The following CYLC1 variants were observed in gnomAD, a reference collection of about 807,000 sequenced individuals.
CYLC1 encodes cylicin-1.
In CYLC1, 2 loss-of-function variants were observed where a neutral mutation model predicts 31.6. That is an observed-to-expected ratio of 0.06 (90% CI 0.03 to 0.20). The LOEUF (loss-of-function observed/expected upper bound fraction) is 0.20, where lower values mean the gene tolerates loss of function less well. CYLC1 is among the 10% of genes least tolerant of loss of function. CYLC1 has a pLI of 1.00. For synonymous variants in CYLC1, 185 were observed against 153.0 expected (o/e 1.21, Z -1.54); for missense variants, 595 against 424.1 (o/e 1.40, Z -3.54).
At position 83,873,966 on chromosome X, in the gene CYLC1, A is replaced by C; in HGVS notation, c.1258A>C (p.Lys420Gln). 8.5e-7 allele frequency: 1 copy of C among 1,176,824 alleles called. No homozygotes were observed. The highest frequency in any genetic ancestry group is 1.1e-6 in the Non-Finnish European group (1 of 876,476). The change falls in exon 4 of 5, where the codon AAA becomes CAA. Residue 420 changes from lysine (K) to glutamine (Q), a missense_variant. Physicochemically the swap from Lys to Gln is moderately conservative, Grantham distance 53. Coordinates refer to ENST00000329312, the MANE Select transcript of CYLC1 (RefSeq NM_021118.3). ...TGAACTGGAGTCAAAGGAGAGTCAGAAAGATGAAAAAAAGGATAAAAAAGA... is the reference window on the plus strand; with the variant it reads ...TGAACTGGAGTCAAAGGAGAGTCAGCAAGATGAAAAAAAGGATAAAAAAGA... ...ESELESKESQ[K>Q]DEKKDKKDSK...
At chrX:83,880,115 A>T (rs188468743) in intron 4 of CYLC1, among the ~76,000 whole-genome samples, 5 of 111,933 alleles carry the variant, frequency 4.5e-5, no homozygotes, top group African/African-American at 1.6e-4. Flanking sequence ...TGCATATTAT[A>T]GGTATTACTC....
Position 83,886,592 on chromosome X carries a change from C to A in CYLC1, c.*8C>A, listed in dbSNP as rs199967799. 8 of 1,200,748 alleles carry A rather than the reference C, an allele frequency of 6.7e-6. No individual in the cohort carries two copies. The East Asian group carries it at 2.4e-4, about 36-fold the overall frequency. Reference sequence around the variant, plus strand: ...ATTCATAAGCTGCTTTAAAGAACAACTGAGCACTTGGTTTCACAGAATGGC... The same window carrying A: ...ATTCATAAGCTGCTTTAAAGAACAAATGAGCACTTGGTTTCACAGAATGGC... On this transcript the variant is annotated 3_prime_UTR_variant, in exon 5 of 5. Coordinates refer to ENST00000329312, the MANE Select transcript of CYLC1 (RefSeq NM_021118.3).
chrX:83,886,388 A>G (rs2031983108), intron 4 of CYLC1, among the ~76,000 whole-genome samples, 164 bp from the exon 5 acceptor site: 1 of 111,611 alleles, frequency 9.0e-6, no homozygotes, highest in Non-Finnish European at 1.9e-5. Flanking sequence ...GGTGGAGACC[A>G]GGGATCTGCG....
At chrX:83,885,093 G>C (rs1038350363) in intron 4 of CYLC1, among the ~76,000 whole-genome samples, 2 of 111,093 alleles carry the variant, frequency 1.8e-5, no homozygotes, top group Non-Finnish European at 3.8e-5. Flanking sequence ...CTAAATGAAT[G>C]AATTTTAAAT....
At chrX:83,882,965 T>C (rs1259325037) in intron 4 of CYLC1, among the ~76,000 whole-genome samples, 1 of 111,165 alleles carries the variant, frequency 9.0e-6, no homozygotes, top group African/African-American at 3.3e-5. Context: ...ATATAGTACC[T>C]AACCTACCCA....
At chrX:83,864,649 C>G (rs771424329) in intron 1 of CYLC1, 22 of 302,215 alleles carry the variant, frequency 7.3e-5, no homozygotes, top group Non-Finnish European at 1.3e-4. Flanking sequence ...TTCTCCTATA[C>G]TAGATTCCCA....
At position 83,873,807 on chromosome X, in the gene CYLC1, C is replaced by T; in HGVS notation, c.1099C>T (p.Pro367Ser). Residue 367 changes from proline (P) to serine (S), a missense_variant, in exon 4 of 5, where the codon CCA becomes TCA. Physicochemically the swap from Pro to Ser is moderately conservative, Grantham distance 74. Coordinates refer to ENST00000329312, the MANE Select transcript of CYLC1 (RefSeq NM_021118.3). ...CAAGAAAAAGGACACAAAGAAGTACCCAGAGTCTACTGATACTGAATCAGG... is the reference window on the plus strand; with the variant it reads ...CAAGAAAAAGGACACAAAGAAGTACTCAGAGTCTACTGATACTGAATCAGG... The part of the protein sequence containing the change: ...DDKKKDTKKY[P>S]ESTDTESGDA... 1 of 1,185,807 alleles carries T rather than the reference C, an allele frequency of 8.4e-7. No individual in the cohort carries two copies. Among genetic ancestry groups the T allele is most frequent in the Non-Finnish European group, 1.1e-6 (1 of 879,307 alleles).
intron 1 of CYLC1, among the ~76,000 whole-genome samples, chrX:83,869,393 A>G (rs1427950092): frequency 1.8e-5 from 2 of 109,489 alleles, no homozygotes; most frequent in African/African-American, 3.3e-5. Flanking sequence ...ATAGACCCCA[A>G]TGTGTGTTGT....
chrX:83,884,142 G>A (rs1176995824), intron 4 of CYLC1, among the ~76,000 whole-genome samples: 2 of 111,651 alleles, frequency 1.8e-5, no homozygotes, highest in Non-Finnish European at 3.8e-5. Flanking sequence ...GAAAGAGTTG[G>A]CAAGTGGCAT....
rs751173460 is a variant in CYLC1 at position 83,884,222 on chromosome X, T to G, written c.1924-2330T>G. On this transcript the variant is annotated intron_variant, in intron 4 of 4. Coordinates refer to ENST00000329312, the MANE Select transcript of CYLC1 (RefSeq NM_021118.3). ...TATTGTGATGCCTCTTCACAACAAG[T>G]TTTTTTTAGAAGAATGTTATTCATG... is the stretch of plus-strand genomic sequence containing the variant. Among the ~76,000 whole-genome samples, 19 of 111,283 alleles carry G rather than the reference T, an allele frequency of 1.7e-4. No individual in the cohort carries two copies. In the South Asian group the frequency reaches 7.1e-3, roughly 41 times the overall value.
At position 83,874,231 on chromosome X, in the gene CYLC1, A is replaced by G; in HGVS notation, c.1523A>G (p.Asp508Gly). 2.5e-6 allele frequency: 3 copies of G among 1,207,562 alleles called. No homozygotes were observed. Among genetic ancestry groups the G allele is most frequent in the East Asian group, 3.0e-5 (1 of 33,690 alleles). ...HSKEKKGSKK[D>G]IKKDARKDTE... The stretch of plus-strand genomic sequence containing the variant: ...AAGGAAAAGAAAGGTTCAAAGAAAG[A>G]TATCAAGAAGGATGCAAGAAAGGAC... Residue 508 changes from aspartate (D) to glycine (G), a missense_variant, in exon 4 of 5, where the codon GAT (aspartate) becomes GGT (glycine). Asp to Gly is a moderately conservative substitution (Grantham distance 94). Coordinates refer to ENST00000329312, the MANE Select transcript of CYLC1 (RefSeq NM_021118.3).
chrX:83,865,817 T>C (rs2031585026), intron 1 of CYLC1, among the ~76,000 whole-genome samples: 1 of 111,775 alleles, frequency 8.9e-6, no homozygotes. Flanking sequence ...ACCTGGATAA[T>C]CTAAGATTTT....
At chrX:83,877,615 C>A (rs1395062134) in intron 4 of CYLC1, among the ~76,000 whole-genome samples, 1 of 107,701 alleles carries the variant, frequency 9.3e-6, no homozygotes, top group East Asian at 2.9e-4. Flanking sequence ...ATTCCTCCCA[C>A]AGATCTTTGC....
chrX:83,879,338 G>C (rs975818098), intron 4 of CYLC1, among the ~76,000 whole-genome samples: 1 of 108,889 alleles, frequency 9.2e-6, no homozygotes, highest in Non-Finnish European at 1.9e-5. Context: ...CCATTTCCTT[G>C]TACAAGCAAA....
At chrX:83,877,696 C>G (rs929250720) in intron 4 of CYLC1, among the ~76,000 whole-genome samples, 1 of 104,734 alleles carries the variant, frequency 9.5e-6, no homozygotes, top group Non-Finnish European at 1.9e-5. Context: ...CCCTGACTAC[C>G]TTACTTTATG....
At chrX:83,882,097 C>A (rs1218549819) in intron 4 of CYLC1, among the ~76,000 whole-genome samples, 1 of 111,332 alleles carries the variant, frequency 9.0e-6, no homozygotes, top group Non-Finnish European at 1.9e-5. Context: ...TAACTGAATG[C>A]CCCAGACAGA....
rs755237775 is a variant in CYLC1 at position 83,873,970 on chromosome X, A to T, written c.1262A>T (p.Asp421Val). 2 of 1,177,696 alleles carry T rather than the reference A, an allele frequency of 1.7e-6. No individual in the cohort carries two copies. Among genetic ancestry groups the T allele is most frequent in the African/African-American group, 3.6e-5 (2 of 55,224 alleles). ...CTGGAGTCAAAGGAGAGTCAGAAAG[A>T]TGAAAAAAAGGATAAAAAAGATTCA... is the stretch of plus-strand genomic sequence containing the variant. ...SELESKESQK[D>V]EKKDKKDSKT... Residue 421 changes from aspartate (D) to valine (V), a missense_variant, in exon 4 of 5, where the codon GAT (aspartate) becomes GTT (valine). Transcript: ENST00000329312.
intron 3 of CYLC1, 33 bp downstream of exon 3, chrX:83,871,603 A>T (rs775346829): frequency 1.7e-6 from 2 of 1,143,687 alleles, no homozygotes; most frequent in Non-Finnish European, 2.4e-6. Flanking sequence ...TTAAAAACGA[A>T]ATCTAAGTTG....
intron 3 of CYLC1, among the ~76,000 whole-genome samples, chrX:83,872,176 C>T (rs2031675461): frequency 9.0e-6 from 1 of 110,724 alleles, no homozygotes; most frequent in Non-Finnish European, 1.9e-5. Context: ...CTTGTTGGCA[C>T]CTCTACTGAA....
Sources: allele counts gnomAD v4.1 joint callset (sites outside exome capture counted in the v4.1 genomes callset), GRCh38; gene constraint gnomAD v4.1.1; transcripts MANE v1.5; gene names NCBI Gene and HGNC (gene_info 2026-07-23, HGNC 2026-07-21).